FAM168A: variants seen among roughly 807,000 people sequenced by gnomAD.
FAM168A encodes protein FAM168A.
Under a neutral mutation model 28.5 loss-of-function variants are expected in FAM168A, and 3 were observed. The observed-to-expected ratio is 0.11, with a 90% confidence interval of 0.05 to 0.27. The LOEUF (loss-of-function observed/expected upper bound fraction) is 0.27. FAM168A is among the 10% of genes least tolerant of loss of function. The pLI, the probability that FAM168A is intolerant of heterozygous loss-of-function variation, is 1.00. For synonymous variants in FAM168A, 122 were observed against 124.2 expected, an observed-to-expected ratio of 0.98 and a Z score of 0.12; for missense variants, 222 against 311.5, an observed-to-expected ratio of 0.71 and a Z score of 2.16.
At chr11:73,448,621 C>T (rs762212946) in intron 2 of FAM168A, among the ~76,000 whole-genome samples, 77 of 152,294 alleles carry the variant, frequency 5.1e-4, no homozygotes, top group Admixed American at 1.1e-3. Context: ...GGAATAGCCA[C>T]GTGGCCCAGT....
At chr11:73,484,691 T>G (rs1384091190) in intron 1 of FAM168A, among the ~76,000 whole-genome samples, 2 of 141,692 alleles carry the variant, frequency 1.4e-5, no homozygotes, top group African/African-American at 5.3e-5. Flanking sequence ...GCTATAGATA[T>G]ATAGATATAG....
intron 2 of FAM168A, among the ~76,000 whole-genome samples, chr11:73,467,112 T>C (rs550735516): frequency 1.3e-5 from 2 of 152,316 alleles, no homozygotes; most frequent in South Asian, 4.1e-4. Flanking sequence ...GTGGAGTTTA[T>C]ACTATCTGTG....
At position 73,535,290 on chromosome 11, in the gene FAM168A, G is replaced by A. The variant is rs552207598; in HGVS notation, c.-19+62633C>T. 3.3e-5 allele frequency among the ~76,000 whole-genome samples: 5 copies of A among 152,096 alleles called. No individual in the cohort carries two copies. In the East Asian group the frequency reaches 7.7e-4, roughly 23 times the overall value. ...AATTTGGGAGAATCACACAAGGCTGGAGTTTAGTGGCACAATCACAGCTCA... is the reference window on the plus strand; with the variant it reads ...AATTTGGGAGAATCACACAAGGCTGAAGTTTAGTGGCACAATCACAGCTCA... On this transcript the variant is annotated intron_variant, in intron 1 of 7. Coordinates refer to ENST00000356467, the MANE Select transcript of FAM168A (RefSeq NM_015159.3).
At chr11:73,492,815 C>G (rs1463640822) in intron 1 of FAM168A, among the ~76,000 whole-genome samples, 2 of 152,114 alleles carry the variant, frequency 1.3e-5, no homozygotes, top group African/African-American at 4.8e-5. Context: ...ATCCTGGTGG[C>G]AATGGAACAC....
intron 1 of FAM168A, among the ~76,000 whole-genome samples, chr11:73,520,041 T>TTTA (rs772739249): frequency 6.7e-4 from 102 of 151,292 alleles, no homozygotes; most frequent in Middle Eastern, 3.4e-3. Context: ...AAATTATAAT[T>TTTA]TTATTATTAT....
intron 2 of FAM168A, among the ~76,000 whole-genome samples, chr11:73,453,831 C>T (rs1197649460): frequency 6.6e-6 from 1 of 152,200 alleles, no homozygotes; most frequent in Non-Finnish European, 1.5e-5. Context: ...CCTGTGTCAA[C>T]ATCCCACTGA....
intron 1 of FAM168A, among the ~76,000 whole-genome samples, chr11:73,568,448 T>G (rs1235606644): frequency 2.6e-5 from 4 of 152,210 alleles, no homozygotes; most frequent in African/African-American, 9.6e-5. Flanking sequence ...CTTAAATATT[T>G]TGCACTATAA....
At chr11:73,437,759 T>TAG (rs141299648) in intron 2 of FAM168A, among the ~76,000 whole-genome samples, 12,261 of 152,060 alleles carry the variant, frequency 0.081, 632 homozygotes, top group Non-Finnish European at 0.11. Context: ...CATTGCACTC[T>TAG]AGTTCCTGGT....
At chr11:73,587,886 A>G (rs1040099817) in intron 1 of FAM168A, among the ~76,000 whole-genome samples, 2 of 151,978 alleles carry the variant, frequency 1.3e-5, no homozygotes, top group Non-Finnish European at 1.5e-5. Flanking sequence ...AGTAGCTGGG[A>G]TTACAGGTGT....
chr11:73,548,376 A>G (rs1590847794), intron 1 of FAM168A, among the ~76,000 whole-genome samples: 1 of 152,294 alleles, frequency 6.6e-6, no homozygotes. Context: ...ATTTCGCCCA[A>G]CTGTGACTAA....
intron 3 of FAM168A, chr11:73,425,119 T>A (rs1168434936): frequency 8.6e-7 from 1 of 1,160,962 alleles, no homozygotes; most frequent in African/African-American, 1.6e-5. Context: ...TGCAGTTACA[T>A]AAACAGACTT....
At chr11:73,514,770 C>T (rs902893178) in intron 1 of FAM168A, among the ~76,000 whole-genome samples, 2 of 152,040 alleles carry the variant, frequency 1.3e-5, no homozygotes, top group African/African-American at 4.8e-5. Flanking sequence ...GAGGTTGAGG[C>T]TACAGTGAGC....
chr11:73,430,424 T>G, intron 3 of FAM168A: 2 of 396,574 alleles, frequency 5.0e-6, no homozygotes, highest in South Asian at 4.4e-5. Flanking sequence ...AAAGGTTCTA[T>G]GAGGAGGATG....
At chr11:73,594,416 A>G (rs1482470374) in intron 1 of FAM168A, among the ~76,000 whole-genome samples, 1 of 150,912 alleles carries the variant, frequency 6.6e-6, no homozygotes, top group East Asian at 2.0e-4. Context: ...TTGGTTTTTG[A>G]GGTTTTTTTG....
At chr11:73,559,376 A>G (rs999382065) in intron 1 of FAM168A, among the ~76,000 whole-genome samples, 2 of 152,164 alleles carry the variant, frequency 1.3e-5, no homozygotes, top group African/African-American at 4.8e-5. Context: ...CACTGCATCG[A>G]GCCTGGGCAA....
chr11:73,480,623 G>A (rs1867954707), intron 1 of FAM168A, among the ~76,000 whole-genome samples: 1 of 152,098 alleles, frequency 6.6e-6, no homozygotes, highest in South Asian at 2.1e-4. Context: ...TGGTAGAAGG[G>A]TCAAGAAGAG....
At chr11:73,565,387 G>C (rs1418786510) in intron 1 of FAM168A, among the ~76,000 whole-genome samples, 1 of 152,148 alleles carries the variant, frequency 6.6e-6, no homozygotes, top group Non-Finnish European at 1.5e-5. Flanking sequence ...CCACTATACT[G>C]ATATTTCCAC....
At chr11:73,491,825 T>C (rs1253864596) in intron 1 of FAM168A, among the ~76,000 whole-genome samples, 4 of 152,202 alleles carry the variant, frequency 2.6e-5, no homozygotes, top group Non-Finnish European at 4.4e-5. Flanking sequence ...CCAATTCTTT[T>C]CCCCATCTAC....
intron 2 of FAM168A, among the ~76,000 whole-genome samples, chr11:73,462,485 T>C (rs913904982): frequency 3.9e-5 from 6 of 152,214 alleles, no homozygotes; most frequent in African/African-American, 1.4e-4. Context: ...ATATTGAGTG[T>C]CAGTTTTGCA....
Sources: gnomAD v4.1 joint callset for allele counts (sites outside exome capture counted in the v4.1 genomes callset) on GRCh38, gnomAD v4.1.1 for gene constraint, MANE v1.5 for transcripts, NCBI Gene and HGNC (gene_info 2026-07-23, HGNC 2026-07-21) for gene names.